TRMT61B: variants seen among roughly 807,000 people sequenced by gnomAD.
TRMT61B encodes the protein tRNA (adenine(58)-N(1))-methyltransferase, mitochondrial.
A neutral mutation model predicts 52.0 loss-of-function variants in TRMT61B; 56 were observed. The ratio of observed to expected loss-of-function variants is 1.08; its 90% CI spans 0.87 to 1.35. The LOEUF is 1.35. Among genes scored for constraint, TRMT61B ranks in the 40% most tolerant of loss-of-function variants. The pLI is 0.00. For synonymous variants in TRMT61B, 206 were observed against 220.0 expected, an observed-to-expected ratio of 0.94 and a Z score of 0.56; for missense variants, 650 against 577.9, an observed-to-expected ratio of 1.12 and a Z score of -1.28.
chr2:28,852,235 CA>C (rs559085899), intron 4 of TRMT61B, among the ~76,000 whole-genome samples, 172 bp downstream of exon 4: 248 of 134,168 alleles, frequency 1.8e-3, no homozygotes, highest in Middle Eastern at 0.01. Flanking sequence ...ATTGCTTGAA[CA>C]GGGGAGGTGG....
rs778934255 is a variant in TRMT61B, at chr2:28,870,285, C to T, written c.-8G>A. 6 of 1,536,828 alleles carry T rather than the reference C, an allele frequency of 3.9e-6. No homozygotes were observed. Among genetic ancestry groups the T allele is most frequent in the Admixed American group, 2.1e-5 (1 of 48,566 alleles). Reference sequence around the variant, plus strand: ...GCACCATGCCATTAGCATAGTGTTTCGCGAAGGCGCCGTCGCAGACGAGTG... The same window carrying T: ...GCACCATGCCATTAGCATAGTGTTTTGCGAAGGCGCCGTCGCAGACGAGTG... On this transcript the variant is annotated 5_prime_UTR_variant, in exon 1 of 7. Coordinates refer to ENST00000306108, the MANE Select transcript of TRMT61B (RefSeq NM_017910.4).
At chr2:28,860,383 GAAGA>G (rs1669552396) in intron 3 of TRMT61B, among the ~76,000 whole-genome samples, 1 of 144,310 alleles carries the variant, frequency 6.9e-6, no homozygotes, top group South Asian at 2.3e-4. Flanking sequence ...TTAAGGAAAG[GAAGA>G]AAGACTCCTA....
intron 3 of TRMT61B, among the ~76,000 whole-genome samples, chr2:28,859,766 G>A (rs1234366902): frequency 1.3e-5 from 2 of 152,130 alleles, no homozygotes; most frequent in Non-Finnish European, 2.9e-5. Flanking sequence ...TGTGTTTCAT[G>A]CTCATCAAGC....
intron 2 of TRMT61B, among the ~76,000 whole-genome samples, chr2:28,864,234 C>G (rs968045097): frequency 6.6e-6 from 1 of 152,112 alleles, no homozygotes; most frequent in Non-Finnish European, 1.5e-5. Flanking sequence ...AACTCTCCCC[C>G]CAACAGCTGA....
At chr2:28,859,599 C>T (rs1041618918) in intron 3 of TRMT61B, among the ~76,000 whole-genome samples, 21 of 151,624 alleles carry the variant, frequency 1.4e-4, no homozygotes, top group African/African-American at 5.1e-4. Context: ...AGCTGACACC[C>T]CCTCTCCTTC....
At chr2:28,852,364 C>T (rs767183238) in intron 4 of TRMT61B, 44 bp downstream of exon 4, 4 of 1,078,054 alleles carry the variant, frequency 3.7e-6, no homozygotes, top group East Asian at 2.6e-5. Flanking sequence ...AGCAAAAGTG[C>T]ACTTAAAAGT....
chr2:28,868,366 T>C (rs1349855889), intron 1 of TRMT61B, among the ~76,000 whole-genome samples: 2 of 152,168 alleles, frequency 1.3e-5, no homozygotes, highest in Non-Finnish European at 2.9e-5. Context: ...CCATCTCTCC[T>C]CACCTGACAT....
chr2:28,854,223 CG>C (rs1447716349), intron 3 of TRMT61B, among the ~76,000 whole-genome samples: 4 of 152,026 alleles, frequency 2.6e-5, no homozygotes, highest in Non-Finnish European at 4.4e-5. Context: ...GTCTGTTTCA[CG>C]GGATCTAATG....
chr2:28,869,817 C>A lies in TRMT61B; in HGVS notation c.461G>T (p.Gly154Val). ...STSRERPFQA[G>V]ELILAETGEG... ...CCCAGTCTCAGCTAAAATCAGTTCC[C>A]CAGCCTGAAAGGGTCTCTCTCTGGA... Residue 154 changes from glycine (G) to valine (V), a missense_variant, in exon 1 of 7, where the codon GGG (glycine) becomes GTG (valine). Gly to Val is a moderately radical substitution (Grantham distance 109). Coordinates refer to ENST00000306108, the MANE Select transcript of TRMT61B (RefSeq NM_017910.4). 1.9e-6 allele frequency: 3 copies of A among 1,614,162 alleles called. No individual in the cohort carries two copies. The highest frequency in any genetic ancestry group is 2.5e-6 in the Non-Finnish European group (3 of 1,180,028).
chr2:28,864,479 G>A (rs1669742954), intron 2 of TRMT61B, among the ~76,000 whole-genome samples: 1 of 152,234 alleles, frequency 6.6e-6, no homozygotes, highest in South Asian at 2.1e-4. Context: ...AATAATGAAT[G>A]AGAGTAGCCA....
chr2:28,850,037 A>G lies in TRMT61B; in HGVS notation c.*162T>C, dbSNP rs1225981528. On this transcript the variant is annotated 3_prime_UTR_variant, in exon 7 of 7. Transcript: ENST00000306108. Reference sequence around the variant, plus strand: ...AATGGGATGTTTAAGCAGTTTTGCTATGTTATACATCTTTTAGTTGTTATT... The same window carrying G: ...AATGGGATGTTTAAGCAGTTTTGCTGTGTTATACATCTTTTAGTTGTTATT... 8.4e-7 allele frequency: 1 copy of G among 1,187,288 alleles called. No homozygotes were observed. Among genetic ancestry groups the G allele is most frequent in the Non-Finnish European group, 1.2e-6 (1 of 821,676 alleles). 73.5% of individuals were successfully genotyped at this position (1,187,288 alleles called of 1,614,324 possible). A position where few individuals can be genotyped will look rare whatever the true frequency, so the allele number is the denominator to read the frequency against.
intron 1 of TRMT61B, among the ~76,000 whole-genome samples, chr2:28,867,787 G>C (rs1051189322): frequency 6.6e-6 from 1 of 152,032 alleles, no homozygotes; most frequent in Non-Finnish European, 1.5e-5. Flanking sequence ...GGCCAGGAGC[G>C]GTCGTTCTCA....
chr2:28,853,583 T>A (rs934086540), intron 3 of TRMT61B, among the ~76,000 whole-genome samples: 1 of 151,846 alleles, frequency 6.6e-6, no homozygotes, highest in Non-Finnish European at 1.5e-5. Context: ...ACGCCTATAA[T>A]CCCAGCACTT....
At chr2:28,867,222 C>G (rs566982723) in intron 1 of TRMT61B, among the ~76,000 whole-genome samples, 35 of 151,926 alleles carry the variant, frequency 2.3e-4, no homozygotes, top group Middle Eastern at 3.4e-3. Flanking sequence ...CAGCCTCCTG[C>G]GTAGCTGGGA....
At chr2:28,862,029 C>T (rs1669622015) in intron 2 of TRMT61B, 1 of 151,850 alleles carries the variant, frequency 6.6e-6, no homozygotes, top group Non-Finnish European at 1.5e-5. Context: ...CGGTGAAACC[C>T]TGTCTCTACT....
intron 2 of TRMT61B, 72 bp downstream of exon 2, chr2:28,864,945 T>C: frequency 1.1e-6 from 1 of 899,482 alleles, no homozygotes; most frequent in Non-Finnish European, 1.8e-6. Context: ...AATATCTTTA[T>C]ACCTTTCTGT....
chr2:28,864,048 G>A (rs1339239972), intron 2 of TRMT61B, among the ~76,000 whole-genome samples: 3 of 151,828 alleles, frequency 2.0e-5, no homozygotes, highest in Non-Finnish European at 4.4e-5. Context: ...TACACCTCTT[G>A]ATTTTTGATC....
chr2:28,857,872 T>C (rs1669414167), intron 3 of TRMT61B, among the ~76,000 whole-genome samples: 1 of 152,212 alleles, frequency 6.6e-6, no homozygotes, highest in South Asian at 2.1e-4. Flanking sequence ...GTTGTGTAGT[T>C]TTAAATTTTA....
intron 3 of TRMT61B, 131 bp from the exon 4 acceptor site, chr2:28,852,630 T>C: frequency 3.2e-6 from 2 of 630,476 alleles, no homozygotes; most frequent in Non-Finnish European, 5.6e-6. Context: ...GGTAGTATTA[T>C]TAACTATCAT....
Sources: gnomAD v4.1 joint callset for allele counts (sites outside exome capture counted in the v4.1 genomes callset) on GRCh38, gnomAD v4.1.1 for gene constraint, MANE v1.5 for transcripts, NCBI Gene and HGNC (gene_info 2026-07-23, HGNC 2026-07-21) for gene names.